The following DLGAP2 variants were observed in gnomAD, a reference collection of about 807,000 sequenced individuals.
The protein encoded by DLGAP2 is disks large-associated protein 2.
In DLGAP2, 26 loss-of-function variants were observed where a neutral mutation model predicts 100.3. That is an observed-to-expected ratio of 0.26 (90% CI 0.19 to 0.36). The LOEUF (loss-of-function observed/expected upper bound fraction) is 0.36, where lower values mean the gene tolerates loss of function less well. Among genes scored for constraint, DLGAP2 ranks in the 10% least tolerant of loss-of-function variants. The pLI, the probability that DLGAP2 is intolerant of heterozygous loss-of-function variation, is 1.00. For synonymous variants in DLGAP2, 886 were observed against 630.1 expected (o/e 1.41, Z -6.08); for missense variants, 1,858 against 1,453.2 (o/e 1.28, Z -4.53).
chr8:833,982 C>T (rs1468528466), intron 1 of DLGAP2, among the ~76,000 whole-genome samples: 2 of 152,196 alleles, frequency 1.3e-5, no homozygotes, highest in South Asian at 2.1e-4. Flanking sequence ...TTCATTGGTG[C>T]AGTGGGCTCG....
chr8:1,591,754 A>T (rs775107471), intron 6 of DLGAP2, among the ~76,000 whole-genome samples: 2 of 152,144 alleles, frequency 1.3e-5, no homozygotes, highest in Non-Finnish European at 2.9e-5. Context: ...ACCCAACTGC[A>T]TCCTGGATCT....
At chr8:1,591,540 C>T (rs200058634) in intron 6 of DLGAP2, among the ~76,000 whole-genome samples, 2 of 112,634 alleles carry the variant, frequency 1.8e-5, no homozygotes, top group Non-Finnish European at 3.9e-5. Context: ...CCCCTCCTCC[C>T]ACTCCACCTC....
At chr8:849,589 G>A (rs7825015) in intron 1 of DLGAP2, among the ~76,000 whole-genome samples, 128 of 152,192 alleles carry the variant, frequency 8.4e-4, no homozygotes, top group Middle Eastern at 3.4e-3. Context: ...AGGTTCCAGC[G>A]GTGCAACATC....
Position 890,490 on chromosome 8 carries a change from G to A in DLGAP2, c.19-17422G>A, listed in dbSNP as rs189051708. On this transcript the variant is annotated intron_variant, in intron 1 of 14. Transcript: ENST00000637795. ...TGCGCTGTCTTCCCTTCTGGTTCTCGTTCTTATTCCTCTGCTCCGCCTTGC... is the reference window on the plus strand; with the variant it reads ...TGCGCTGTCTTCCCTTCTGGTTCTCATTCTTATTCCTCTGCTCCGCCTTGC... 3.3e-5 allele frequency among the ~76,000 whole-genome samples: 5 copies of A among 151,762 alleles called. No homozygotes were observed. The East Asian group carries it at 5.9e-4, about 18-fold the overall frequency.
intron 3 of DLGAP2, among the ~76,000 whole-genome samples, chr8:1,344,337 T>C (rs933831820): frequency 2.0e-5 from 3 of 152,168 alleles, no homozygotes; most frequent in Non-Finnish European, 4.4e-5. Context: ...CCACCTGCAT[T>C]GCCCTCACAC....
intron 6 of DLGAP2, among the ~76,000 whole-genome samples, chr8:1,598,578 C>G (rs1313071763): frequency 6.6e-6 from 1 of 152,068 alleles, no homozygotes; most frequent in Non-Finnish European, 1.5e-5. Flanking sequence ...TGACTTATTC[C>G]TCATTTAGTC....
chr8:1,306,989 A>T (rs531913776), intron 3 of DLGAP2, among the ~76,000 whole-genome samples: 1 of 152,250 alleles, frequency 6.6e-6, no homozygotes, highest in East Asian at 1.9e-4. Flanking sequence ...CTTGACAGTG[A>T]TCTTGGATAC....
Position 1,529,140 on chromosome 8 carries a change from C to T in DLGAP2, c.173-19486C>T, listed in dbSNP as rs970639717. Among the ~76,000 whole-genome samples, 4 of 152,240 alleles carry T rather than the reference C, an allele frequency of 2.6e-5. No individual in the cohort carries two copies. In the East Asian group the frequency reaches 7.7e-4, roughly 29 times the overall value. On this transcript the variant is annotated intron_variant, in intron 4 of 14. Coordinates refer to ENST00000637795, the MANE Select transcript of DLGAP2 (RefSeq NM_001346810.2). ...CAGTTCAGCATGGCTGGTGAGGCCT[C>T]AGGAAACTTACAATCGTGGCGGAAG...
intron 1 of DLGAP2, among the ~76,000 whole-genome samples, chr8:807,708 G>A (rs1796295002): frequency 6.6e-6 from 1 of 152,134 alleles, no homozygotes; most frequent in African/African-American, 2.4e-5. Context: ...GGTTGTAGAT[G>A]CAACACTTAT....
intron 3 of DLGAP2, among the ~76,000 whole-genome samples, chr8:1,499,229 C>A (rs186617430): frequency 1.3e-5 from 2 of 152,240 alleles, no homozygotes; most frequent in Non-Finnish European, 2.9e-5. Context: ...AACTCCATGC[C>A]TGTTGCTGCT....
In DLGAP2 at chr8:986,436, T is replaced by C. The variant is rs186865486; in HGVS notation, c.73+78470T>C. On this transcript the variant is annotated intron_variant, in intron 2 of 14. Transcript: ENST00000637795. ...AAATTAAACTTTTCTCTAGACATTT[T>C]AGTATCTTACTTTATGTGGTTCCTA... 1.2e-4 allele frequency among the ~76,000 whole-genome samples: 19 copies of C among 152,340 alleles called. No homozygotes were observed. The East Asian group carries it at 3.7e-3, about 29-fold the overall frequency.
chr8:1,514,563 C>T (rs1362879684), intron 4 of DLGAP2, among the ~76,000 whole-genome samples: 3 of 152,238 alleles, frequency 2.0e-5, no homozygotes, highest in African/African-American at 7.2e-5. Context: ...TGTGAAACTT[C>T]TATCAGCCAT....
intron 3 of DLGAP2, among the ~76,000 whole-genome samples, chr8:1,350,874 C>T (rs548298433): frequency 1.2e-5 from 1 of 84,454 alleles, no homozygotes; most frequent in Non-Finnish European, 2.4e-5. Flanking sequence ...GTGGAAAGGC[C>T]GCGCGGGTCC....
intron 2 of DLGAP2, among the ~76,000 whole-genome samples, chr8:1,197,505 C>T (rs550672409): frequency 1.2e-4 from 18 of 152,350 alleles, no homozygotes; most frequent in Admixed American, 3.3e-4. Flanking sequence ...CACATGGATG[C>T]GGAGCAGCTG....
At chr8:1,059,435 C>T (rs1802985446) in intron 2 of DLGAP2, among the ~76,000 whole-genome samples, 1 of 152,180 alleles carries the variant, frequency 6.6e-6, no homozygotes, top group African/African-American at 2.4e-5. Flanking sequence ...CTCTGTGCCT[C>T]AGTTTCTCCC....
At chr8:1,073,995 G>T (rs576395328) in intron 2 of DLGAP2, among the ~76,000 whole-genome samples, 2 of 149,572 alleles carry the variant, frequency 1.3e-5, no homozygotes, top group South Asian at 4.2e-4. Context: ...CACTGTAACA[G>T]AAGGGTTTGC....
chr8:1,450,463 A>T (rs1361466011), intron 3 of DLGAP2, among the ~76,000 whole-genome samples: 2 of 143,978 alleles, frequency 1.4e-5, no homozygotes, highest in Non-Finnish European at 3.0e-5. Context: ...GCTGTGGCTG[A>T]GGCTGAGCTG....
In DLGAP2 at chr8:744,666, C is replaced by G. The variant is rs1283173133; in HGVS notation, c.18+6841C>G. Among the ~76,000 whole-genome samples the G allele has an allele frequency of 3.3e-5, 5 of 151,774 alleles. No individual in the cohort carries two copies. The East Asian group carries it at 9.8e-4, about 30-fold the overall frequency. ...GGCTGTCTGCTCCCCACGGTCACTC[C>G]CTGCCTCTTCTCCGGCCACGTCGCC... On this transcript the variant is annotated intron_variant, in intron 1 of 14. Coordinates refer to ENST00000637795, the MANE Select transcript of DLGAP2 (RefSeq NM_001346810.2).
In DLGAP2 at chr8:985,243, C is replaced by T. The variant is rs548823272; in HGVS notation, c.73+77277C>T. Among the ~76,000 whole-genome samples the T allele has an allele frequency of 7.9e-5, 12 of 152,312 alleles. No individual in the cohort carries two copies. The South Asian group carries it at 1.9e-3, about 24-fold the overall frequency. The stretch of plus-strand genomic sequence containing the variant: ...TACAAGGTCCGAAGGCCTGGCTCAG[C>T]TCTCCACACCCACTGTCCGTAGATG... On this transcript the variant is annotated intron_variant, in intron 2 of 14. Transcript: ENST00000637795.
Sources: allele counts gnomAD v4.1 joint callset (sites outside exome capture counted in the v4.1 genomes callset), GRCh38; gene constraint gnomAD v4.1.1; transcripts MANE v1.5; gene names NCBI Gene and HGNC (gene_info 2026-07-23, HGNC 2026-07-21).